NTRK3: variants seen among roughly 807,000 people sequenced by gnomAD.
NTRK3 encodes NT-3 growth factor receptor.
A neutral mutation model predicts 91.7 loss-of-function variants in NTRK3; 24 were observed. The observed-to-expected ratio is 0.26, with a 90% confidence interval of 0.19 to 0.37. The LOEUF (loss-of-function observed/expected upper bound fraction) is 0.37. NTRK3 is among the 10% of genes least tolerant of loss of function. The probability of loss-of-function intolerance (pLI) is 1.00; values close to 1 mark genes in which losing one functional copy is unlikely to be tolerated. For missense variants in NTRK3, 880 were observed against 1,068.9 expected, an observed-to-expected ratio of 0.82 and a Z score of 2.46; for synonymous variants, 483 against 404.0, an observed-to-expected ratio of 1.20 and a Z score of -2.34.
chr15:87,946,753 C>T (rs557523011), intron 14 of NTRK3, among the ~76,000 whole-genome samples: 78 of 152,168 alleles, frequency 5.1e-4, no homozygotes, highest in African/African-American at 1.7e-3. Flanking sequence ...TCCTTTAGCT[C>T]GTTGTTATCC....
At chr15:87,880,028 GA>G (rs1309339740) in intron 18 of NTRK3, among the ~76,000 whole-genome samples, 18 of 152,308 alleles carry the variant, frequency 1.2e-4, no homozygotes, top group Middle Eastern at 3.4e-3. Flanking sequence ...AGATTTAACA[GA>G]GGCATGACTT....
chr15:88,037,829 T>C (rs1490723176), intron 13 of NTRK3, among the ~76,000 whole-genome samples: 2 of 152,246 alleles, frequency 1.3e-5, no homozygotes, highest in African/African-American at 4.8e-5. Flanking sequence ...AAGGAGTTAA[T>C]CTTATAATGC....
intron 5 of NTRK3, among the ~76,000 whole-genome samples, chr15:88,148,156 T>C (rs1336963590): frequency 2.0e-5 from 3 of 152,184 alleles, no homozygotes; most frequent in South Asian, 2.1e-4. Flanking sequence ...TTTAGGTAAA[T>C]ATCTATCCAC....
chr15:87,984,052 A>G (rs546505526), intron 14 of NTRK3, among the ~76,000 whole-genome samples: 1 of 152,264 alleles, frequency 6.6e-6, no homozygotes, highest in South Asian at 2.1e-4. Flanking sequence ...CATTTTGATG[A>G]TGTTTCAGGG....
intron 14 of NTRK3, chr15:87,981,393 G>A (rs1223836677): frequency 6.2e-7 from 1 of 1,613,728 alleles, no homozygotes; most frequent in Non-Finnish European, 8.5e-7. Flanking sequence ...GGGAATTAAT[G>A]GTCAGTATTA....
At chr15:88,040,004 T>C (rs999524523) in intron 13 of NTRK3, among the ~76,000 whole-genome samples, 1 of 152,270 alleles carries the variant, frequency 6.6e-6, no homozygotes, top group Non-Finnish European at 1.5e-5. Context: ...TATGACCTAA[T>C]GCTTGCTTGG....
chr15:88,197,140 AT>A lies in NTRK3; in HGVS notation c.249-12842del, dbSNP rs559441574. On this transcript the variant is annotated intron_variant, in intron 3 of 18. Transcript: ENST00000394480. ...AAAAAAAAAAAAACCTCTGTGATTG[AT>A]TAGTGATGTCTGCCCTGGGCACAGT... 7.5e-5 allele frequency among the ~76,000 whole-genome samples: 10 copies of A among 132,626 alleles called. No homozygotes were observed. In the East Asian group the frequency reaches 2.7e-3, roughly 35 times the overall value. 87.0% of individuals were successfully genotyped at this position (132,626 alleles called of 152,430 possible).
exon 19 of NTRK3, chr15:87,870,425 A>T (rs1312497266): frequency 9.8e-6 from 2 of 204,506 alleles, no homozygotes; most frequent in Non-Finnish European, 2.0e-5. Flanking sequence ...GACTCTGCGG[A>T]CTCAGGGGGA....
chr15:88,136,342 T>A, intron 8 of NTRK3, 125 bp downstream of exon 8: 1 of 1,236,696 alleles, frequency 8.1e-7, no homozygotes, highest in East Asian at 2.4e-5. Flanking sequence ...ATATTGCAGC[T>A]GCATGTAACC....
At chr15:88,104,747 G>A (rs915282720) in intron 13 of NTRK3, among the ~76,000 whole-genome samples, 13 of 152,328 alleles carry the variant, frequency 8.5e-5, no homozygotes, top group African/African-American at 3.1e-4. Flanking sequence ...GACTTCAGGG[G>A]CAGTGAGGAG....
At chr15:88,037,613 A>G (rs1225607931) in intron 13 of NTRK3, among the ~76,000 whole-genome samples, 2 of 152,188 alleles carry the variant, frequency 1.3e-5, no homozygotes, top group South Asian at 4.1e-4. Context: ...CTAGAAGTTC[A>G]AGAGACAAAT....
At chr15:87,884,086 C>T (rs1476146575) in intron 17 of NTRK3, among the ~76,000 whole-genome samples, 1 of 148,636 alleles carries the variant, frequency 6.7e-6, no homozygotes, top group African/African-American at 2.5e-5. Context: ...CAGTGTAAAA[C>T]AAACAAAGCA....
chr15:88,220,741 G>A (rs1025908476), intron 3 of NTRK3, among the ~76,000 whole-genome samples: 3 of 152,096 alleles, frequency 2.0e-5, no homozygotes, highest in Non-Finnish European at 2.9e-5. Flanking sequence ...GAGCGGGAAC[G>A]TCCAAAAGAT....
intron 3 of NTRK3, among the ~76,000 whole-genome samples, chr15:88,203,404 T>A (rs1430574628): frequency 1.3e-5 from 2 of 151,994 alleles, no homozygotes; most frequent in African/African-American, 4.8e-5. Context: ...GAATAAAGAG[T>A]TGCACTGTTT....
At chr15:88,067,278 T>C (rs2046733324) in intron 13 of NTRK3, among the ~76,000 whole-genome samples, 1 of 152,166 alleles carries the variant, frequency 6.6e-6, no homozygotes, top group Admixed American at 6.5e-5. Context: ...GAAGTCTATA[T>C]ATTTATCCAC....
intron 14 of NTRK3, among the ~76,000 whole-genome samples, chr15:88,022,081 G>C (rs757240020): frequency 4.6e-5 from 7 of 151,984 alleles, no homozygotes; most frequent in Non-Finnish European, 1.0e-4. Flanking sequence ...TTATTTGATG[G>C]GTGATGAGGG....
At chr15:88,000,070 T>C (rs943765591) in intron 14 of NTRK3, among the ~76,000 whole-genome samples, 12 of 152,186 alleles carry the variant, frequency 7.9e-5, no homozygotes, top group Non-Finnish European at 1.5e-4. Context: ...GATGGTGATA[T>C]TCAAGAAATG....
At chr15:87,955,305 T>C (rs1015839989) in intron 14 of NTRK3, among the ~76,000 whole-genome samples, 25 of 152,172 alleles carry the variant, frequency 1.6e-4, no homozygotes, top group Admixed American at 3.9e-4. Context: ...TCTGCAGAAG[T>C]TCTGCCTGCC....
chr15:87,872,595 G>C (rs188270460), exon 19 of NTRK3: 4 of 231,344 alleles, frequency 1.7e-5, no homozygotes, highest in African/African-American at 8.8e-5. Context: ...GAGGGGAACA[G>C]CCTGGTGAAA....
Sources: allele counts gnomAD v4.1 joint callset (sites outside exome capture counted in the v4.1 genomes callset), GRCh38; gene constraint gnomAD v4.1.1; transcripts MANE v1.5; gene names NCBI Gene and HGNC (gene_info 2026-07-23, HGNC 2026-07-21).